Variants in ARFGAP3 observed in about 807,000 individuals in gnomAD.
ARFGAP3 encodes the protein ADP-ribosylation factor GTPase-activating protein 3.
In ARFGAP3, 72 loss-of-function variants were observed where a neutral mutation model predicts 75.0. The ratio of observed to expected loss-of-function variants is 0.96; its 90% CI spans 0.79 to 1.17. ARFGAP3 has a LOEUF of 1.17. Among genes scored for constraint, ARFGAP3 ranks in the 50% most tolerant of loss-of-function variants. The pLI is 0.00. For missense variants in ARFGAP3, 620 were observed against 626.6 expected (o/e 0.99, Z 0.11); for synonymous variants, 221 against 217.9 (o/e 1.01, Z -0.13).
intron 5 of ARFGAP3, 200 bp from the exon 6 acceptor site, chr22:42,831,836 G>A (rs1488881267): frequency 4.0e-6 from 3 of 741,238 alleles, no homozygotes; most frequent in Non-Finnish European, 4.9e-6. Context: ...AGGCTAGAGT[G>A]CAGAAGCACA....
At chr22:42,848,678 T>A (rs1381964284) in intron 1 of ARFGAP3, among the ~76,000 whole-genome samples, 1 of 152,122 alleles carries the variant, frequency 6.6e-6, no homozygotes, top group Non-Finnish European at 1.5e-5. Context: ...AGCCCTACCA[T>A]CCTTCCTGGC....
At chr22:42,801,891 C>CG (rs998219414) in intron 14 of ARFGAP3, among the ~76,000 whole-genome samples, 2 of 151,574 alleles carry the variant, frequency 1.3e-5, no homozygotes, top group African/African-American at 2.4e-5. Context: ...ATACGGGTTG[C>CG]GGGGCTGTCT....
intron 1 of ARFGAP3, 24 bp downstream of exon 1, chr22:42,857,090 C>G: frequency 6.7e-7 from 1 of 1,501,582 alleles, no homozygotes; most frequent in Middle Eastern, 1.9e-4. Flanking sequence ...GCCAGGCAGG[C>G]CCGCACTCGC....
At chr22:42,838,179 A>T (rs1926612942) in intron 3 of ARFGAP3, among the ~76,000 whole-genome samples, 1 of 151,770 alleles carries the variant, frequency 6.6e-6, no homozygotes, top group Non-Finnish European at 1.5e-5. Context: ...ATGCTTAGGG[A>T]CAACGAAGAA....
intron 13 of ARFGAP3, among the ~76,000 whole-genome samples, chr22:42,808,274 C>G (rs538722167): frequency 1.7e-4 from 26 of 151,480 alleles, no homozygotes; most frequent in African/African-American, 6.1e-4. Context: ...GGTGCACGGC[C>G]GTATTCCCAG....
chr22:42,802,882 G>C (rs1924942415), intron 14 of ARFGAP3, among the ~76,000 whole-genome samples: 3 of 152,170 alleles, frequency 2.0e-5, no homozygotes. Context: ...TTACAGGCGT[G>C]AGCCACCACA....
chr22:42,845,006 A>G (rs1926950203), intron 2 of ARFGAP3, among the ~76,000 whole-genome samples: 1 of 152,174 alleles, frequency 6.6e-6, no homozygotes, highest in South Asian at 2.1e-4. Flanking sequence ...ACGGAGGAAC[A>G]CATCATAAAA....
chr22:42,847,347 T>C (rs866965123), intron 2 of ARFGAP3, 167 bp downstream of exon 2: 1 of 582,708 alleles, frequency 1.7e-6, no homozygotes, highest in Non-Finnish European at 3.0e-6. Context: ...TTATTTTTTG[T>C]AGAGGCTGAG....
intron 12 of ARFGAP3, among the ~76,000 whole-genome samples, chr22:42,809,368 G>A (rs1054343139): frequency 1.3e-5 from 2 of 152,198 alleles, no homozygotes; most frequent in Non-Finnish European, 1.5e-5. Context: ...TTCAGCAGGT[G>A]AATGGATAAA....
At chr22:42,830,865 C>T (rs1187367867) in intron 6 of ARFGAP3, among the ~76,000 whole-genome samples, 2 of 152,050 alleles carry the variant, frequency 1.3e-5, no homozygotes, top group African/African-American at 2.4e-5. Context: ...TAATTTCACT[C>T]TCTATTTAAC....
chr22:42,814,731 T>G lies in ARFGAP3; in HGVS notation c.1064+2411A>C, dbSNP rs77325288. ...CGGCTACCAAGCAACAGTACTGATTTAACTGAAACTTTCTCTTTTTTTTGA... is the reference window on the plus strand; with the variant it reads ...CGGCTACCAAGCAACAGTACTGATTGAACTGAAACTTTCTCTTTTTTTTGA... On this transcript the variant is annotated intron_variant, in intron 11 of 15. Coordinates refer to ENST00000263245, the MANE Select transcript of ARFGAP3 (RefSeq NM_014570.5). 3.1e-3 allele frequency among the ~76,000 whole-genome samples: 469 copies of G among 152,260 alleles called. 4 individuals carry two copies. Among genetic ancestry groups the G allele is most frequent in the African/African-American group, 0.011 (453 of 41,544 alleles).
intron 14 of ARFGAP3, among the ~76,000 whole-genome samples, chr22:42,805,059 A>C (rs1925057366): frequency 6.6e-6 from 1 of 152,102 alleles, no homozygotes; most frequent in Non-Finnish European, 1.5e-5. Context: ...CAAGGCCCGG[A>C]GTTTGAGACC....
chr22:42,844,423 AAAAATACAAAAATT>A (rs1179289914), intron 2 of ARFGAP3, among the ~76,000 whole-genome samples: 1 of 152,014 alleles, frequency 6.6e-6, no homozygotes, highest in African/African-American at 2.4e-5. Flanking sequence ...CGTCTCTAGT[AAAAATACAAAAATT>A]AGCTGGGTGT....
intron 5 of ARFGAP3, among the ~76,000 whole-genome samples, chr22:42,833,317 G>C (rs1429621266): frequency 1.3e-5 from 2 of 152,200 alleles, no homozygotes; most frequent in African/African-American, 4.8e-5. Flanking sequence ...GTCAGTTTCA[G>C]AGCTCTGAAC....
chr22:42,847,402 G>T (rs1159266779), intron 2 of ARFGAP3, 112 bp downstream of exon 2: 16 of 880,458 alleles, frequency 1.8e-5, no homozygotes, highest in Non-Finnish European at 2.7e-5. Flanking sequence ...TGCAGCCAAG[G>T]TGACAGGCGA....
intron 10 of ARFGAP3, 114 bp downstream of exon 10, chr22:42,817,615 T>A: frequency 1.1e-6 from 1 of 903,996 alleles, no homozygotes; most frequent in African/African-American, 1.8e-5. Context: ...TTAGAGAAGT[T>A]AATGAATAAC....
rs574522659 is a variant in ARFGAP3, at chr22:42,802,759, G to T, written c.1412-3599C>A. On this transcript the variant is annotated intron_variant, in intron 14 of 15. Coordinates refer to ENST00000263245, the MANE Select transcript of ARFGAP3 (RefSeq NM_014570.5). ...TGGGACTACAGGCGCCCACCACCATGCCTGGCTAATTTTTTGTATTTTTAG... is the reference window on the plus strand; with the variant it reads ...TGGGACTACAGGCGCCCACCACCATTCCTGGCTAATTTTTTGTATTTTTAG... Among the ~76,000 whole-genome samples, 728 of 149,992 alleles carry T rather than the reference G, an allele frequency of 4.9e-3. 1 individual carries two copies. Among genetic ancestry groups the T allele is most frequent in the African/African-American group, 0.016 (639 of 40,716 alleles).
At chr22:42,852,227 A>AT (rs58166507) in intron 1 of ARFGAP3, among the ~76,000 whole-genome samples, 6 of 149,586 alleles carry the variant, frequency 4.0e-5, no homozygotes, top group Admixed American at 6.6e-5. Context: ...GCTAATTTTA[A>AT]TTTTTTTTTT....
chr22:42,829,225 T>C (rs935620895), intron 6 of ARFGAP3, among the ~76,000 whole-genome samples: 2 of 152,204 alleles, frequency 1.3e-5, no homozygotes, highest in Non-Finnish European at 2.9e-5. Flanking sequence ...ACAGTGGACA[T>C]GCAAACTAAG....
Sources: allele counts gnomAD v4.1 joint callset (sites outside exome capture counted in the v4.1 genomes callset), GRCh38; gene constraint gnomAD v4.1.1; transcripts MANE v1.5; gene names NCBI Gene and HGNC (gene_info 2026-07-23, HGNC 2026-07-21).